The following GUCY2F variants were observed in gnomAD, a reference collection of about 807,000 sequenced individuals.
The protein encoded by GUCY2F is guanylate cyclase 2F, retinal.
In GUCY2F, 61 loss-of-function variants were observed where a neutral mutation model predicts 73.1. That is an observed-to-expected ratio of 0.83 (90% CI 0.68 to 1.03). The LOEUF is 1.03. GUCY2F is among the 50% of genes least tolerant of loss of function. The probability of loss-of-function intolerance (pLI) is 0.00; values close to 1 mark genes in which losing one functional copy is unlikely to be tolerated. For synonymous variants in GUCY2F, 331 were observed against 307.8 expected (o/e 1.08, Z -0.79); for missense variants, 912 against 854.3 (o/e 1.07, Z -0.84).
chrX:109,384,352 G>A (rs891212080), intron 16 of GUCY2F, among the ~76,000 whole-genome samples: 3 of 112,101 alleles, frequency 2.7e-5, no homozygotes, highest in African/African-American at 9.7e-5. Context: ...AATGAAAACT[G>A]CATATAGAAT....
intron 14 of GUCY2F, among the ~76,000 whole-genome samples, chrX:109,391,466 T>C (rs756272183): frequency 2.1e-5 from 2 of 95,389 alleles, no homozygotes; most frequent in South Asian, 4.6e-4. Flanking sequence ...CAAATTTTTA[T>C]AGCATGTATT....
chrX:109,397,217 G>A (rs1029027011), intron 11 of GUCY2F, among the ~76,000 whole-genome samples: 1 of 110,940 alleles, frequency 9.0e-6, no homozygotes, highest in Non-Finnish European at 1.9e-5. Context: ...TTCAGGGCCC[G>A]GCCAGTCATG....
intron 1 of GUCY2F, among the ~76,000 whole-genome samples, chrX:109,481,042 AGAAGGAAGGAAGGAAGGAAGGAAG>A (rs773258991): frequency 0.018 from 731 of 40,185 alleles, 12 homozygotes; most frequent in Non-Finnish European, 0.026. Flanking sequence ...AAGGGAGAGA[AGAAGGAAGGAAGGAAGGAAGGAAG>A]GAAGGAAGGA....
chrX:109,455,592 G>A (rs1304901297), intron 3 of GUCY2F, among the ~76,000 whole-genome samples: 2 of 111,246 alleles, frequency 1.8e-5, no homozygotes, highest in Admixed American at 1.9e-4. Context: ...ATAGTTCAGG[G>A]ACAAAATTTA....
intron 3 of GUCY2F, among the ~76,000 whole-genome samples, chrX:109,459,499 A>T (rs575785895): frequency 5.6e-4 from 63 of 111,713 alleles, no homozygotes; most frequent in South Asian, 4.1e-3. Context: ...GAAACAGATT[A>T]AATTGATTCA....
intron 17 of GUCY2F, among the ~76,000 whole-genome samples, chrX:109,381,822 C>T (rs749979393): frequency 3.6e-5 from 4 of 112,595 alleles, no homozygotes; most frequent in Non-Finnish European, 7.5e-5. Context: ...AATAATAGTG[C>T]AGCTCATTGG....
chrX:109,480,499 A>T (rs933450467), intron 1 of GUCY2F, among the ~76,000 whole-genome samples: 3 of 111,694 alleles, frequency 2.7e-5, no homozygotes, highest in African/African-American at 9.8e-5. Context: ...GATCAAAGTG[A>T]TTAACTGTCC....
At position 109,376,126 on chromosome X, in the gene GUCY2F, T is replaced by G. The variant is rs770578170; in HGVS notation, c.3192A>C (p.Lys1064Asn). The G allele has an allele frequency of 2.5e-6, 3 of 1,195,126 alleles. No individual in the cohort carries two copies. Among genetic ancestry groups the G allele is most frequent in the Non-Finnish European group, 3.4e-6 (3 of 881,794 alleles). ...TEETFWLIGK[K>N]GFMKPLPVPP... ...GCACAGGAAGGGGCTTCATGAAGCCTTTTTTCCCAATCAGCCAGAAGGTTT... is the reference window on the plus strand; with the variant it reads ...GCACAGGAAGGGGCTTCATGAAGCCGTTTTTCCCAATCAGCCAGAAGGTTT... The change falls in exon 18 of 20, where the codon AAA becomes AAC. Residue 1064 changes from lysine to asparagine, a missense_variant. By Grantham distance (94) the Lys-to-Asn change is moderately conservative. Coordinates refer to ENST00000218006, the MANE Select transcript of GUCY2F (RefSeq NM_001522.3).
chrX:109,375,786 C>T (rs988522543), intron 19 of GUCY2F, 112 bp downstream of exon 19: 3 of 569,714 alleles, frequency 5.3e-6, no homozygotes, highest in African/African-American at 4.5e-5. Flanking sequence ...TTCTCCAGCT[C>T]CATCACACTA....
chrX:109,393,124 C>A (rs1386977647), intron 12 of GUCY2F, 69 bp from the exon 13 acceptor site: 13 of 576,252 alleles, frequency 2.3e-5, no homozygotes, highest in Non-Finnish European at 2.9e-5. Flanking sequence ...TGGAGCAGGT[C>A]CCCTTATCAC....
chrX:109,438,470 A>C (rs749403112), intron 7 of GUCY2F, among the ~76,000 whole-genome samples: 2 of 113,127 alleles, frequency 1.8e-5, no homozygotes, highest in East Asian at 2.8e-4. Context: ...TGGGATATGC[A>C]CAAGATAAAC....
intron 6 of GUCY2F, among the ~76,000 whole-genome samples, chrX:109,443,423 A>G (rs916379225): frequency 1.8e-5 from 2 of 111,472 alleles, no homozygotes; most frequent in African/African-American, 3.3e-5. Flanking sequence ...TTTCTCACTC[A>G]TATGGTAAAA....
At chrX:109,415,073 A>C (rs1387357122) in intron 8 of GUCY2F, among the ~76,000 whole-genome samples, 2 of 111,086 alleles carry the variant, frequency 1.8e-5, no homozygotes, top group African/African-American at 6.5e-5. Flanking sequence ...TACAGCTTTT[A>C]ACAGCTAGAA....
Position 109,376,063 on chromosome X carries a change from T to C in GUCY2F, c.3239+16A>G, listed in dbSNP as rs1294197228. 1.7e-6 allele frequency: 2 copies of C among 1,172,774 alleles called. No individual in the cohort carries two copies. The highest frequency in any genetic ancestry group is 2.3e-6 in the Non-Finnish European group (2 of 859,824). On this transcript the variant is annotated intron_variant, in intron 18 of 19. Transcript: ENST00000218006. ...ATGGCATAGGAAGACTCCAATTAAA[T>C]GTGAACTCCACTTACCCATCTTTGT...
chrX:109,434,695 C>T (rs977469079), intron 7 of GUCY2F, among the ~76,000 whole-genome samples: 2 of 109,982 alleles, frequency 1.8e-5, no homozygotes, highest in Non-Finnish European at 3.8e-5. Flanking sequence ...ACATGAAGTC[C>T]TTGCCCATGC....
At chrX:109,419,101 C>T (rs1263954086) in intron 8 of GUCY2F, among the ~76,000 whole-genome samples, 3 of 110,088 alleles carry the variant, frequency 2.7e-5, no homozygotes, top group South Asian at 7.6e-4. Context: ...TCAAAAACAT[C>T]CCCACAAAGA....
intron 2 of GUCY2F, among the ~76,000 whole-genome samples, chrX:109,467,213 T>C (rs1459028401): frequency 8.9e-6 from 1 of 112,035 alleles, no homozygotes; most frequent in African/African-American, 3.2e-5. Context: ...AAAAAGAAAG[T>C]AGAACTGAAG....
At chrX:109,469,370 G>C (rs747443318) in intron 2 of GUCY2F, among the ~76,000 whole-genome samples, 14 of 110,427 alleles carry the variant, frequency 1.3e-4, no homozygotes, top group African/African-American at 4.3e-4. Flanking sequence ...TTCTGAAAAG[G>C]CAAAGGTCAC....
rs571749403 is a variant in GUCY2F at position 109,423,709 on chromosome X, T to TAA, written c.1791+6596_1791+6597dup. On this transcript the variant is annotated intron_variant, in intron 8 of 19. Coordinates refer to ENST00000218006, the MANE Select transcript of GUCY2F (RefSeq NM_001522.3). ...TGGGATTACAAAAAGTGGTTTTTAT[T>TAA]AAAAAAAAAAAAGAAAAATTTCTGG... 2.0e-3 allele frequency among the ~76,000 whole-genome samples: 193 copies of TAA among 97,625 alleles called. 2 individuals are homozygous for TAA. The highest frequency in any genetic ancestry group is 3.3e-3 in the Non-Finnish European group (157 of 47,951). 84.8% of individuals were successfully genotyped at this position (97,625 alleles called of 115,157 possible). A position where few individuals can be genotyped will look rare whatever the true frequency, so the allele number is the denominator to read the frequency against.
Sources: gnomAD v4.1 joint callset for allele counts (sites outside exome capture counted in the v4.1 genomes callset) on GRCh38, gnomAD v4.1.1 for gene constraint, MANE v1.5 for transcripts, NCBI Gene and HGNC (gene_info 2026-07-23, HGNC 2026-07-21) for gene names.